Variants in PRKG1 observed in about 807,000 individuals in gnomAD.
PRKG1 encodes cGMP-dependent protein kinase 1.
In PRKG1, 35 loss-of-function variants were observed where a neutral mutation model predicts 88.1. The observed-to-expected ratio is 0.40, with a 90% CI of 0.30 to 0.53. The LOEUF (loss-of-function observed/expected upper bound fraction) is 0.53, where lower values mean the gene tolerates loss of function less well. PRKG1 is among the 20% of genes least tolerant of loss of function. The pLI is 0.59. For missense variants in PRKG1, 540 were observed against 839.8 expected (o/e 0.64, Z 4.41); for synonymous variants, 303 against 292.5 (o/e 1.04, Z -0.37).
rs183454040 is a variant in PRKG1 at position 51,877,028 on chromosome 10, C to T, written c.699-30479C>T. ...CACTCAAATCCTTGGCTCAGATCTG[C>T]TTCTGGGAGAACCCCACATAAAACA... On this transcript the variant is annotated intron_variant, in intron 4 of 17. Coordinates refer to ENST00000373980, the MANE Select transcript of PRKG1 (RefSeq NM_006258.4). 9.7e-4 allele frequency among the ~76,000 whole-genome samples: 148 copies of T among 152,288 alleles called. 1 individual carries two copies. The highest frequency in any genetic ancestry group is 3.8e-4 in the Non-Finnish European group (26 of 68,016).
intron 1 of PRKG1, among the ~76,000 whole-genome samples, chr10:51,048,330 C>G (rs1843517350): frequency 6.6e-6 from 1 of 151,980 alleles, no homozygotes; most frequent in Admixed American, 6.6e-5. Flanking sequence ...CCCTCCCTCC[C>G]TTTCTTCCTT....
chr10:51,883,038 A>G (rs1841475694), intron 4 of PRKG1, among the ~76,000 whole-genome samples: 1 of 152,228 alleles, frequency 6.6e-6, no homozygotes, highest in Admixed American at 6.5e-5. Flanking sequence ...AAAGAAGTCC[A>G]TCTTCACCAA....
chr10:51,473,354 C>T (rs1430805688), intron 3 of PRKG1, among the ~76,000 whole-genome samples: 4 of 151,830 alleles, frequency 2.6e-5, no homozygotes, highest in South Asian at 2.1e-4. Context: ...GGAGAAGAGG[C>T]AAACTATTAT....
intron 2 of PRKG1, among the ~76,000 whole-genome samples, chr10:51,335,759 G>T (rs906903200): frequency 3.9e-5 from 6 of 152,060 alleles, no homozygotes; most frequent in African/African-American, 7.2e-5. Flanking sequence ...TTACTTTCAG[G>T]GAGCAGCCAA....
chr10:51,344,597 A>C (rs1284927341), intron 2 of PRKG1, among the ~76,000 whole-genome samples: 2 of 152,232 alleles, frequency 1.3e-5, no homozygotes, highest in Non-Finnish European at 2.9e-5. Context: ...GTATTTGACA[A>C]GATGACTGTA....
At position 51,253,287 on chromosome 10, in the gene PRKG1, A is replaced by G. The variant is rs187186686; in HGVS notation, c.478+99957A>G. On this transcript the variant is annotated intron_variant, in intron 2 of 17. Transcript: ENST00000373980. Reference sequence around the variant, plus strand: ...TTTGGAAAGGAAGAACTACTTCACCAAATGTTACCAGAGGTTAGAAAACTA... The same window carrying G: ...TTTGGAAAGGAAGAACTACTTCACCGAATGTTACCAGAGGTTAGAAAACTA... 5.8e-3 allele frequency among the ~76,000 whole-genome samples: 888 copies of G among 152,026 alleles called. 4 individuals carry two copies. The highest frequency in any genetic ancestry group is 0.02 in the African/African-American group (844 of 41,546).
intron 7 of PRKG1, among the ~76,000 whole-genome samples, chr10:52,098,175 T>C (rs1466655739): frequency 6.6e-6 from 1 of 152,210 alleles, no homozygotes; most frequent in Non-Finnish European, 1.5e-5. Context: ...CATTTCTATG[T>C]CAAGAAGATA....
At chr10:52,293,593 A>G (rs1036946521) in intron 17 of PRKG1, among the ~76,000 whole-genome samples, 11 of 152,158 alleles carry the variant, frequency 7.2e-5, no homozygotes, top group African/African-American at 2.7e-4. Context: ...TTTTAATCAT[A>G]CAGTTTATTA....
At chr10:52,102,784 A>G (rs1378174546) in intron 7 of PRKG1, among the ~76,000 whole-genome samples, 1 of 152,078 alleles carries the variant, frequency 6.6e-6, no homozygotes, top group East Asian at 1.9e-4. Context: ...ACATTAGACA[A>G]TCTGGCAGAA....
chr10:51,301,379 A>T (rs908710327), intron 2 of PRKG1, among the ~76,000 whole-genome samples: 6 of 152,144 alleles, frequency 3.9e-5, no homozygotes, highest in African/African-American at 1.4e-4. Context: ...AAAAATGCCT[A>T]AAAGAAAGGT....
At chr10:52,162,326 G>T (rs1252693136) in intron 9 of PRKG1, among the ~76,000 whole-genome samples, 1 of 151,986 alleles carries the variant, frequency 6.6e-6, no homozygotes, top group African/African-American at 2.4e-5. Flanking sequence ...AAAATAATAA[G>T]GCTAGAAATA....
At chr10:52,082,306 C>A (rs1416461901) in intron 7 of PRKG1, among the ~76,000 whole-genome samples, 1 of 152,062 alleles carries the variant, frequency 6.6e-6, no homozygotes, top group Non-Finnish European at 1.5e-5. Flanking sequence ...CACAGCCAAA[C>A]CATATCATTA....
intron 5 of PRKG1, among the ~76,000 whole-genome samples, chr10:51,947,027 A>C (rs1843056075): frequency 1.3e-5 from 2 of 152,076 alleles, no homozygotes; most frequent in African/African-American, 4.8e-5. Context: ...TACAGAGGTT[A>C]CTGCTGTCTT....
chr10:51,460,856 A>G (rs895655441), intron 2 of PRKG1, among the ~76,000 whole-genome samples: 9 of 152,142 alleles, frequency 5.9e-5, no homozygotes, highest in African/African-American at 1.9e-4. Flanking sequence ...GGTTCAGATG[A>G]TTCTCTATAT....
intron 2 of PRKG1, among the ~76,000 whole-genome samples, chr10:51,289,481 G>A (rs184212453): frequency 1.3e-5 from 2 of 152,222 alleles, no homozygotes; most frequent in Non-Finnish European, 2.9e-5. Flanking sequence ...CTGAATAGAA[G>A]CTACCACTTC....
intron 8 of PRKG1, among the ~76,000 whole-genome samples, chr10:52,143,049 TAA>T (rs60390252): frequency 0.98 from 149,725 of 152,186 alleles, 73,695 homozygotes; most frequent in Middle Eastern, 1. Flanking sequence ...AGTGTTATGA[TAA>T]AAAAAAATAG....
intron 3 of PRKG1, among the ~76,000 whole-genome samples, chr10:51,651,558 T>G (rs1840039264): frequency 6.6e-6 from 1 of 151,310 alleles, no homozygotes; most frequent in South Asian, 2.1e-4. Flanking sequence ...TGGCACATGA[T>G]TGGCACAAAA....
intron 2 of PRKG1, among the ~76,000 whole-genome samples, chr10:51,231,444 G>A (rs1265506291): frequency 6.6e-6 from 1 of 152,122 alleles, no homozygotes. Flanking sequence ...TGTCCCCTGA[G>A]GAGGAGGCCT....
At chr10:52,066,988 C>T (rs1174281964) in intron 7 of PRKG1, among the ~76,000 whole-genome samples, 1 of 152,098 alleles carries the variant, frequency 6.6e-6, no homozygotes, top group Non-Finnish European at 1.5e-5. Context: ...ATGCCTGTAA[C>T]TTGTTTTTCA....
Sources: gnomAD v4.1 joint callset for allele counts (sites outside exome capture counted in the v4.1 genomes callset) on GRCh38, gnomAD v4.1.1 for gene constraint, MANE v1.5 for transcripts, NCBI Gene and HGNC (gene_info 2026-07-23, HGNC 2026-07-21) for gene names.